GFI1B: variants seen among roughly 807,000 people sequenced by gnomAD.
The protein encoded by GFI1B is growth factor independent 1B transcriptional repressor.
A neutral mutation model predicts 35.3 loss-of-function variants in GFI1B; 20 were observed. The ratio of observed to expected loss-of-function variants is 0.57; its 90% CI spans 0.40 to 0.82. The LOEUF is 0.82. Among genes scored for constraint, GFI1B ranks in the 40% least tolerant of loss-of-function variants. The pLI is 0.00. For missense variants in GFI1B, 430 were observed against 446.3 expected (o/e 0.96, Z 0.33); for synonymous variants, 178 against 177.6 (o/e 1.00, Z -0.02).
intron 1 of GFI1B, among the ~76,000 whole-genome samples, chr9:132,959,519 T>C (rs1848334140): frequency 6.6e-6 from 1 of 152,092 alleles, no homozygotes; most frequent in African/African-American, 2.4e-5. Context: ...TCTAGCAGAG[T>C]GCCCACGCAG....
intron 1 of GFI1B, among the ~76,000 whole-genome samples, chr9:132,966,182 G>A (rs867198601): frequency 7.9e-5 from 12 of 152,108 alleles, no homozygotes; most frequent in Middle Eastern, 6.8e-3. Context: ...AACATAGTGA[G>A]ACCCCATCTC....
At chr9:132,954,238 G>A (rs997587051) in intron 1 of GFI1B, among the ~76,000 whole-genome samples, 1 of 151,908 alleles carries the variant, frequency 6.6e-6, no homozygotes, top group East Asian at 2.0e-4. Context: ...CTACAGGCAC[G>A]TGCACCACCA....
intron 1 of GFI1B, among the ~76,000 whole-genome samples, chr9:132,955,824 GTGT>G (rs1848276011): frequency 6.6e-6 from 1 of 151,690 alleles, no homozygotes; most frequent in African/African-American, 2.4e-5. Flanking sequence ...GTGTGTGTGT[GTGT>G]GTGTGTGTGT....
intron 1 of GFI1B, among the ~76,000 whole-genome samples, chr9:132,980,381 C>T (rs685783): frequency 0.12 from 17,802 of 152,242 alleles, 1,164 homozygotes; most frequent in Middle Eastern, 0.2. Context: ...GCAAACACCA[C>T]CCCCTCTTAG....
chr9:132,971,088 C>T (rs1470384758), intron 1 of GFI1B, among the ~76,000 whole-genome samples: 1 of 152,212 alleles, frequency 6.6e-6, no homozygotes, highest in African/African-American at 2.4e-5. Context: ...CAGTCTTGAA[C>T]TCCTGGGCTC....
At chr9:132,957,763 G>A (rs990095851) in intron 1 of GFI1B, among the ~76,000 whole-genome samples, 1 of 152,096 alleles carries the variant, frequency 6.6e-6, no homozygotes, top group East Asian at 1.9e-4. Flanking sequence ...GCAGGAACAC[G>A]TGTAATAATA....
Position 132,962,142 on chromosome 9 carries a change from T to TTC in GFI1B, c.-700-10582_-700-10581insCT, listed in dbSNP as rs1420420930. 2.6e-3 allele frequency among the ~76,000 whole-genome samples: 387 copies of TTC among 148,510 alleles called. 3 individuals are homozygous for TTC. Among genetic ancestry groups the TTC allele is most frequent in the African/African-American group, 9.2e-3 (361 of 39,430 alleles). ...TACAGAATTGTTTTTTTTTTCTTTT[T>TTC]TTTTTTTTCTTTTGAGACAGAATCT... On this transcript the variant is annotated intron_variant, in intron 1 of 10. Transcript: ENST00000339463.
chr9:132,964,476 C>CGG (rs1564525794), intron 1 of GFI1B, among the ~76,000 whole-genome samples: 12 of 151,836 alleles, frequency 7.9e-5, no homozygotes, highest in African/African-American at 2.9e-4. Flanking sequence ...AATCAATTTT[C>CGG]AGCCACTTGT....
intron 1 of GFI1B, among the ~76,000 whole-genome samples, chr9:132,966,336 G>A (rs1848449986): frequency 6.6e-6 from 1 of 151,236 alleles, no homozygotes; most frequent in African/African-American, 2.4e-5. Flanking sequence ...TTCAGCCTAG[G>A]CAACAAAGTG....
At chr9:132,957,832 T>C (rs1270501936) in intron 1 of GFI1B, among the ~76,000 whole-genome samples, 4 of 152,130 alleles carry the variant, frequency 2.6e-5, no homozygotes, top group South Asian at 2.1e-4. Context: ...TAACCAAGCA[T>C]GCTGGGGAAA....
intron 1 of GFI1B, among the ~76,000 whole-genome samples, chr9:132,970,681 T>A (rs1848520794): frequency 6.6e-6 from 1 of 152,104 alleles, no homozygotes; most frequent in Non-Finnish European, 1.5e-5. Flanking sequence ...GGTAATTTCC[T>A]GCGGCAAAAT....
At chr9:132,962,930 A>AT (rs971726246) in intron 1 of GFI1B, among the ~76,000 whole-genome samples, 31 of 150,734 alleles carry the variant, frequency 2.1e-4, no homozygotes, top group African/African-American at 6.8e-4. Context: ...AAAAAAAAAA[A>AT]AAATAGCCAG....
At chr9:132,953,938 A>T (rs1001697628) in intron 1 of GFI1B, among the ~76,000 whole-genome samples, 1 of 152,150 alleles carries the variant, frequency 6.6e-6, no homozygotes, top group Non-Finnish European at 1.5e-5. Flanking sequence ...CTCCATCTCA[A>T]AAATAAATAA....
At chr9:132,972,951 A>G (rs1014714992) in intron 2 of GFI1B, among the ~76,000 whole-genome samples, 1 of 152,216 alleles carries the variant, frequency 6.6e-6, no homozygotes, top group Non-Finnish European at 1.5e-5. Flanking sequence ...GCCGATGACC[A>G]GGTGGACGTT....
At chr9:132,987,027 T>C (rs1301838484) in intron 2 of GFI1B, among the ~76,000 whole-genome samples, 2 of 152,198 alleles carry the variant, frequency 1.3e-5, no homozygotes, top group Admixed American at 1.3e-4. Context: ...GGGGCCTCAC[T>C]GGAGGCCCAG....
At chr9:132,980,876 A>G (rs1265212755) in intron 1 of GFI1B, among the ~76,000 whole-genome samples, 3 of 151,564 alleles carry the variant, frequency 2.0e-5, no homozygotes, top group Non-Finnish European at 4.4e-5. Context: ...ATAATGTTCA[A>G]TCATATGTCT....
chr9:132,990,354 C>T (rs1019864735), intron 6 of GFI1B, among the ~76,000 whole-genome samples: 1 of 151,768 alleles, frequency 6.6e-6, no homozygotes, highest in African/African-American at 2.4e-5. Context: ...CACTCATTTG[C>T]TCATTCATTT....
intron 1 of GFI1B, chr9:132,946,564 C>T (rs1386059342): frequency 6.6e-6 from 1 of 152,230 alleles, no homozygotes; most frequent in Non-Finnish European, 1.5e-5. Context: ...TCTGGGTTCT[C>T]TCAGTTCCAC....
chr9:132,962,509 C>A, intron 1 of GFI1B: 1 of 506,522 alleles, frequency 2.0e-6, no homozygotes, highest in Non-Finnish European at 4.0e-6. Context: ...CTGCTTCTCG[C>A]CATGTCTTCT....
Sources: allele counts gnomAD v4.1 joint callset (sites outside exome capture counted in the v4.1 genomes callset), GRCh38; gene constraint gnomAD v4.1.1; transcripts MANE v1.5; gene names NCBI Gene and HGNC (gene_info 2026-07-23, HGNC 2026-07-21).